Variants in CCSER1 observed in about 807,000 individuals in gnomAD.
The protein encoded by CCSER1 is serine-rich coiled-coil domain-containing protein 1.
Under a neutral mutation model 82.0 loss-of-function variants are expected in CCSER1, and 41 were observed. The ratio of observed to expected loss-of-function variants is 0.50; its 90% CI spans 0.39 to 0.65. CCSER1 has a LOEUF of 0.65. CCSER1 is among the 30% of genes least tolerant of loss of function. CCSER1 has a pLI of 0.00. For missense variants in CCSER1, 1,119 were observed against 1,064.2 expected (o/e 1.05, Z -0.72); for synonymous variants, 414 against 383.9 (o/e 1.08, Z -0.92).
At position 90,628,139 on chromosome 4, in the gene CCSER1, C is replaced by T. The variant is rs745826608; in HGVS notation, c.1839C>T (p.Asn613=). The T allele has an allele frequency of 1.8e-5, 29 of 1,613,536 alleles. No individual in the cohort carries two copies. In the East Asian group the frequency reaches 3.1e-4, roughly 17 times the overall value. Residue 613 remains asparagine (N), a synonymous_variant, in exon 6 of 11, where the codon AAC becomes AAT. Coordinates refer to ENST00000509176, the MANE Select transcript of CCSER1 (RefSeq NM_001145065.2). ...ADWPLQGVEE[N]GGIDSLPFRL... ...GGCCTCTACAAGGTGTGGAAGAAAA[C>T]GGAGGCATAGATTCTCTGCCATTCA...
chr4:90,208,415 C>T (rs867771306), intron 1 of CCSER1, among the ~76,000 whole-genome samples: 3 of 152,118 alleles, frequency 2.0e-5, no homozygotes, highest in Non-Finnish European at 4.4e-5. Flanking sequence ...GAATTTCAAG[C>T]CATTGGATCT....
intron 7 of CCSER1, among the ~76,000 whole-genome samples, chr4:90,734,268 G>C (rs551105655): frequency 6.6e-6 from 1 of 152,086 alleles, no homozygotes; most frequent in African/African-American, 2.4e-5. Context: ...TGGGACTACA[G>C]GCTCCCACCA....
At chr4:90,244,881 TAGAC>T (rs1348678920) in intron 1 of CCSER1, among the ~76,000 whole-genome samples, 3 of 152,152 alleles carry the variant, frequency 2.0e-5, no homozygotes, top group African/African-American at 7.2e-5. Context: ...AGAGGTATCA[TAGAC>T]AGGTGAATAG....
chr4:91,190,388 C>T (rs1186372872), intron 10 of CCSER1, among the ~76,000 whole-genome samples: 2 of 152,190 alleles, frequency 1.3e-5, no homozygotes, highest in Admixed American at 1.3e-4. Flanking sequence ...TTTTCCTCTT[C>T]CCATGTGGCA....
At chr4:90,813,519 A>T (rs1758612555) in intron 7 of CCSER1, among the ~76,000 whole-genome samples, 1 of 152,136 alleles carries the variant, frequency 6.6e-6, no homozygotes, top group African/African-American at 2.4e-5. Context: ...ATGTTGTGGG[A>T]GGAACCCCGG....
intron 10 of CCSER1, among the ~76,000 whole-genome samples, chr4:91,501,877 A>C (rs747797839): frequency 1.3e-5 from 2 of 152,204 alleles, no homozygotes; most frequent in African/African-American, 4.8e-5. Flanking sequence ...CATTACTTAC[A>C]TATATTCAAA....
intron 1 of CCSER1, among the ~76,000 whole-genome samples, chr4:90,254,737 C>T (rs949818363): frequency 1.3e-5 from 2 of 151,996 alleles, no homozygotes; most frequent in Non-Finnish European, 2.9e-5. Flanking sequence ...AGGGAATGGG[C>T]CATGGCTCAC....
intron 3 of CCSER1, among the ~76,000 whole-genome samples, chr4:90,339,582 G>A (rs1443519365): frequency 6.6e-6 from 1 of 151,796 alleles, no homozygotes; most frequent in Non-Finnish European, 1.5e-5. Flanking sequence ...TCTTGGGCTT[G>A]TCAAGCAATT....
intron 10 of CCSER1, among the ~76,000 whole-genome samples, chr4:91,556,348 A>T (rs1762402481): frequency 1.3e-5 from 2 of 150,330 alleles, no homozygotes; most frequent in African/African-American, 4.9e-5. Flanking sequence ...TCTTTTTTTT[A>T]AAGTGGATTA....
chr4:91,508,460 C>T (rs1759646245), intron 10 of CCSER1, among the ~76,000 whole-genome samples: 1 of 151,312 alleles, frequency 6.6e-6, no homozygotes, highest in Admixed American at 6.6e-5. Context: ...CCCACCTGTT[C>T]CTGATGTGTA....
intron 10 of CCSER1, among the ~76,000 whole-genome samples, chr4:91,409,506 T>A (rs1454756610): frequency 6.6e-6 from 1 of 152,126 alleles, no homozygotes; most frequent in African/African-American, 2.4e-5. Context: ...CATCTCCATG[T>A]GTTCTATTTT....
intron 8 of CCSER1, among the ~76,000 whole-genome samples, chr4:90,907,040 G>T (rs1581023701): frequency 6.6e-6 from 1 of 152,106 alleles, no homozygotes; most frequent in Admixed American, 6.6e-5. Context: ...ACTTGTATTG[G>T]AATGCAGCCA....
At chr4:90,228,522 A>G (rs1743718270) in intron 1 of CCSER1, among the ~76,000 whole-genome samples, 1 of 152,170 alleles carries the variant, frequency 6.6e-6, no homozygotes, top group Non-Finnish European at 1.5e-5. Flanking sequence ...AGATGGGGAA[A>G]AAACAGAGCA....
intron 3 of CCSER1, among the ~76,000 whole-genome samples, chr4:90,352,050 C>T (rs181019200): frequency 4.4e-4 from 67 of 152,274 alleles, no homozygotes; most frequent in Admixed American, 1.5e-3. Flanking sequence ...TTAGGCCGGG[C>T]GCAGCGGCTC....
At chr4:90,414,969 T>C (rs1457216012) in intron 4 of CCSER1, among the ~76,000 whole-genome samples, 1 of 152,100 alleles carries the variant, frequency 6.6e-6, no homozygotes, top group Non-Finnish European at 1.5e-5. Flanking sequence ...ATAATAATCA[T>C]TTAAGGAAAA....
chr4:91,299,545 A>G (rs1744495606), intron 10 of CCSER1, among the ~76,000 whole-genome samples: 2 of 152,000 alleles, frequency 1.3e-5, no homozygotes, highest in African/African-American at 4.8e-5. Context: ...CAGATGAAAA[A>G]GTAGAGGTAG....
chr4:90,524,995 A>T (rs952023232), intron 5 of CCSER1, among the ~76,000 whole-genome samples: 1 of 152,296 alleles, frequency 6.6e-6, no homozygotes. Context: ...AAATGACTGA[A>T]CAATCTTACA....
At chr4:90,380,041 T>G (rs1383703223) in intron 3 of CCSER1, among the ~76,000 whole-genome samples, 2 of 152,100 alleles carry the variant, frequency 1.3e-5, no homozygotes, top group African/African-American at 4.8e-5. Flanking sequence ...GCTAAACTAT[T>G]CATGAGAAAG....
intron 10 of CCSER1, among the ~76,000 whole-genome samples, chr4:91,434,975 T>A (rs1754559894): frequency 6.6e-6 from 1 of 152,190 alleles, no homozygotes; most frequent in Non-Finnish European, 1.5e-5. Context: ...GCCGTAGAGT[T>A]CTGTTGTTGT....
Sources: allele counts gnomAD v4.1 joint callset (sites outside exome capture counted in the v4.1 genomes callset), GRCh38; gene constraint gnomAD v4.1.1; transcripts MANE v1.5; gene names NCBI Gene and HGNC (gene_info 2026-07-23, HGNC 2026-07-21).